ING3: variants seen among roughly 807,000 people sequenced by gnomAD.
The protein encoded by ING3 is inhibitor of growth family member 3.
ING3 carries 6 observed loss-of-function variants against 64.8 expected under a neutral mutation model. The observed-to-expected ratio is 0.09, with a 90% CI of 0.05 to 0.18. The LOEUF is 0.18. ING3 is among the 10% of genes least tolerant of loss of function. The pLI, the probability that ING3 is intolerant of heterozygous loss-of-function variation, is 1.00. For missense variants in ING3, 310 were observed against 489.7 expected (o/e 0.63, Z 3.46); for synonymous variants, 170 against 173.7 (o/e 0.98, Z 0.17).
chr7:120,976,172 G>A lies in ING3; in HGVS notation c.*1328G>A, dbSNP rs1361110392. The A allele has an allele frequency of 6.6e-6, 1 of 152,090 alleles. No homozygotes were observed. The highest frequency in any genetic ancestry group is 2.4e-5 in the African/African-American group (1 of 41,424). 9.4% of individuals were successfully genotyped at this position (152,090 alleles called of 1,614,324 possible). A position where few individuals can be genotyped will look rare whatever the true frequency, so the allele number is the denominator to read the frequency against. On this transcript the variant is annotated 3_prime_UTR_variant, in exon 12 of 12. Coordinates refer to ENST00000315870, the MANE Select transcript of ING3 (RefSeq NM_019071.3). The stretch of plus-strand genomic sequence containing the variant: ...TTGCATAGTGGAGGTTTTATTTAAA[G>A]TATAATATTGAGTCTGGTCGATAGA...
At chr7:120,961,065 T>G (rs1408080975) in intron 4 of ING3, among the ~76,000 whole-genome samples, 1 of 152,120 alleles carries the variant, frequency 6.6e-6, no homozygotes, top group Non-Finnish European at 1.5e-5. Context: ...ACCTATAAAT[T>G]TGAGAGTTTT....
At chr7:120,958,434 A>G (rs768913026) in intron 4 of ING3, among the ~76,000 whole-genome samples, 3 of 152,146 alleles carry the variant, frequency 2.0e-5, no homozygotes, top group Admixed American at 1.3e-4. Context: ...CAATCATCTT[A>G]TACTACCTAG....
At chr7:120,969,431 T>C (rs761469817) in intron 9 of ING3, among the ~76,000 whole-genome samples, 1 of 152,232 alleles carries the variant, frequency 6.6e-6, no homozygotes, top group African/African-American at 2.4e-5. Context: ...TAAATTGAGT[T>C]TGTTAATACA....
chr7:120,974,705 T>G, intron 11 of ING3, 23 bp from the exon 12 acceptor site: 1 of 1,517,990 alleles, frequency 6.6e-7, no homozygotes, highest in Non-Finnish European at 9.1e-7. Context: ...TGAAAACTTG[T>G]TTTTTGCAAT....
At chr7:120,974,380 T>TA in intron 11 of ING3, among the ~76,000 whole-genome samples, 1 of 152,316 alleles carries the variant, frequency 6.6e-6, no homozygotes, top group South Asian at 2.1e-4. Flanking sequence ...GACTATTAAA[T>TA]AAAATCTTAA....
At chr7:120,970,902 A>G in intron 10 of ING3, 22 bp downstream of exon 10, 2 of 1,525,542 alleles carry the variant, frequency 1.3e-6, no homozygotes, top group Non-Finnish European at 1.8e-6. Flanking sequence ...TTATATCTAT[A>G]AAAGTATAAT....
intron 2 of ING3, 97 bp downstream of exon 2, chr7:120,951,332 C>A: frequency 8.7e-7 from 1 of 1,146,194 alleles, no homozygotes; most frequent in Non-Finnish European, 1.3e-6. Flanking sequence ...TCACTGTCCT[C>A]TGGCTCACTC....
rs76603478 is a variant in ING3, at chr7:120,965,514, G to C, written c.364+676G>C. Among the ~76,000 whole-genome samples, 501 of 152,244 alleles carry C rather than the reference G, an allele frequency of 3.3e-3. 2 individuals are homozygous for C. Among genetic ancestry groups the C allele is most frequent in the African/African-American group, 0.012 (478 of 41,552 alleles). ...ATAAAAGCAGTTAGTGTGGTACTAG[G>C]TGTAGAGTAGGCACTCACTAGATGT... On this transcript the variant is annotated intron_variant, in intron 5 of 11. Coordinates refer to ENST00000315870, the MANE Select transcript of ING3 (RefSeq NM_019071.3).
chr7:120,953,446 A>G, intron 3 of ING3, 42 bp downstream of exon 3: 1 of 1,185,172 alleles, frequency 8.4e-7, no homozygotes, highest in Non-Finnish European at 1.2e-6. Context: ...AAATATTGGG[A>G]CCCTCTGAAA....
chr7:120,972,064 ATTG>A (rs1796076831), intron 10 of ING3, among the ~76,000 whole-genome samples: 1 of 151,808 alleles, frequency 6.6e-6, no homozygotes, highest in African/African-American at 2.4e-5. Flanking sequence ...TGATTTTTCT[ATTG>A]TTTTTGTTAT....
chr7:120,957,231 G>T (rs1795862300), intron 4 of ING3, among the ~76,000 whole-genome samples: 1 of 152,146 alleles, frequency 6.6e-6, no homozygotes, highest in African/African-American at 2.4e-5. Context: ...TATTAGCCGG[G>T]CCTGGTGGCG....
intron 4 of ING3, chr7:120,956,780 T>C (rs916990345): frequency 2.8e-5 from 27 of 978,012 alleles, no homozygotes; most frequent in East Asian, 1.1e-4. Context: ...CTAATTTGTT[T>C]AGTAACATTC....
intron 4 of ING3, 49 bp from the exon 5 acceptor site, chr7:120,964,693 T>C (rs1026995708): frequency 1.4e-6 from 2 of 1,474,532 alleles, no homozygotes; most frequent in Admixed American, 1.7e-5. Context: ...GCTGACACTT[T>C]AACAGTGTCC....
At chr7:120,960,233 G>T (rs1795913774) in intron 4 of ING3, among the ~76,000 whole-genome samples, 4 of 152,296 alleles carry the variant, frequency 2.6e-5, no homozygotes, top group Admixed American at 1.3e-4. Flanking sequence ...GGCCGGGGTG[G>T]TTGGTCTGTG....
At chr7:120,958,828 G>A (rs545471581) in intron 4 of ING3, among the ~76,000 whole-genome samples, 2 of 152,286 alleles carry the variant, frequency 1.3e-5, no homozygotes, top group East Asian at 3.9e-4. Flanking sequence ...CCGTGACTCT[G>A]CTTTAGCTAG....
intron 8 of ING3, 121 bp from the exon 9 acceptor site, chr7:120,968,890 A>G (rs1250946886): frequency 1.7e-6 from 1 of 588,444 alleles, no homozygotes; most frequent in Non-Finnish European, 2.8e-6. Context: ...GATGAAAATA[A>G]TAGTTTAAAC....
intron 6 of ING3, among the ~76,000 whole-genome samples, chr7:120,967,061 T>G (rs1438161082): frequency 6.6e-6 from 1 of 152,214 alleles, no homozygotes; most frequent in African/African-American, 2.4e-5. Flanking sequence ...TTTTTCATCC[T>G]TGCTTCTCCA....
chr7:120,963,767 A>C (rs1795963748), intron 4 of ING3, among the ~76,000 whole-genome samples: 1 of 152,144 alleles, frequency 6.6e-6, no homozygotes, highest in South Asian at 2.1e-4. Flanking sequence ...TCCTCATGTT[A>C]GTTACACATT....
At chr7:120,966,522 A>T in intron 5 of ING3, 104 bp from the exon 6 acceptor site, 1 of 854,078 alleles carries the variant, frequency 1.2e-6, no homozygotes, top group Non-Finnish European at 2.1e-6. Flanking sequence ...AGAACTTGCT[A>T]GTCCTCTGCT....
Sources: gnomAD v4.1 joint callset for allele counts (sites outside exome capture counted in the v4.1 genomes callset) on GRCh38, gnomAD v4.1.1 for gene constraint, MANE v1.5 for transcripts, NCBI Gene and HGNC (gene_info 2026-07-23, HGNC 2026-07-21) for gene names.